Variants in C10orf67 observed in about 807,000 individuals in gnomAD.
The protein encoded by C10orf67 is uncharacterized protein C10orf67, mitochondrial.
A neutral mutation model predicts 35.6 loss-of-function variants in C10orf67; 60 were observed. The observed-to-expected ratio is 1.68, with a 90% CI of 1.37 to 2.09. The LOEUF (loss-of-function observed/expected upper bound fraction) is 2.09, where lower values mean the gene tolerates loss of function less well. Ranked by LOEUF, C10orf67 falls within the 30% of genes most tolerant of loss-of-function variation. The probability of loss-of-function intolerance (pLI) is 0.00; values close to 1 mark genes in which losing one functional copy is unlikely to be tolerated. For synonymous variants in C10orf67, 167 were observed against 115.8 expected, an observed-to-expected ratio of 1.44 and a Z score of -2.84; for missense variants, 474 against 330.2, an observed-to-expected ratio of 1.44 and a Z score of -3.38.
intron 2 of C10orf67, among the ~76,000 whole-genome samples, chr10:23,322,820 C>G (rs1428441652): frequency 6.6e-6 from 1 of 151,934 alleles, no homozygotes. Flanking sequence ...ATATGTACCC[C>G]TGAACCTAAA....
intron 2 of C10orf67, among the ~76,000 whole-genome samples, chr10:23,326,415 A>G (rs560531397): frequency 5.9e-5 from 9 of 152,328 alleles, no homozygotes; most frequent in Admixed American, 5.9e-4. Flanking sequence ...CAACTTGTCA[A>G]CCCGGAATTC....
intron 12 of C10orf67, among the ~76,000 whole-genome samples, chr10:23,245,432 T>C (rs1575777): frequency 0.033 from 5,050 of 152,226 alleles, 258 homozygotes; most frequent in African/African-American, 0.11. Flanking sequence ...ACTTAAGGAA[T>C]GGAAGAAAAC....
At chr10:23,294,059 T>A (rs1266395617) in intron 5 of C10orf67, among the ~76,000 whole-genome samples, 2 of 152,320 alleles carry the variant, frequency 1.3e-5, no homozygotes, top group South Asian at 4.1e-4. Context: ...CTCCATTGAA[T>A]TGGACATCTC....
Position 23,237,904 on chromosome 10 carries a change from G to A in C10orf67, c.1434+1825C>T, listed in dbSNP as rs1312885573. Among the ~76,000 whole-genome samples, 6 of 152,182 alleles carry A rather than the reference G, an allele frequency of 3.9e-5. 1 individual carries two copies. Among genetic ancestry groups the A allele is most frequent in the Non-Finnish European group, 8.8e-5 (6 of 68,032 alleles). ...TCTTCAAATGGCACACTTACTACTTGTGCATTTAACCATATGTAAAATATA... is the reference window on the plus strand; with the variant it reads ...TCTTCAAATGGCACACTTACTACTTATGCATTTAACCATATGTAAAATATA... On this transcript the variant is annotated intron_variant, in intron 13 of 15. Coordinates refer to ENST00000636213, the MANE Select transcript of C10orf67 (RefSeq NM_001371909.1).
At chr10:23,275,279 G>A (rs1488112247) in intron 8 of C10orf67, among the ~76,000 whole-genome samples, 1 of 152,128 alleles carries the variant, frequency 6.6e-6, no homozygotes, top group African/African-American at 2.4e-5. Context: ...GAGCACAGGA[G>A]TTCGAGATCA....
chr10:23,283,178 A>G (rs575645002), intron 7 of C10orf67, among the ~76,000 whole-genome samples: 1 of 152,308 alleles, frequency 6.6e-6, no homozygotes, highest in East Asian at 1.9e-4. Flanking sequence ...TATACTCTGT[A>G]AATATATACA....
At chr10:23,258,125 T>C (rs1051365998) in intron 10 of C10orf67, 1 of 152,494 alleles carries the variant, frequency 6.6e-6, no homozygotes, top group African/African-American at 2.4e-5. Flanking sequence ...ATGTGGCCTC[T>C]GGCATCCCCA....
chr10:23,207,654 T>C (rs1447714052), intron 15 of C10orf67, among the ~76,000 whole-genome samples: 2 of 152,236 alleles, frequency 1.3e-5, no homozygotes, highest in Non-Finnish European at 2.9e-5. Flanking sequence ...TCGGTCACAG[T>C]TGACCACAGC....
At chr10:23,234,096 A>G (rs552500802) in intron 13 of C10orf67, among the ~76,000 whole-genome samples, 1 of 152,368 alleles carries the variant, frequency 6.6e-6, no homozygotes, top group East Asian at 1.9e-4. Flanking sequence ...TAGTTCCACC[A>G]CAGTGAAAAA....
chr10:23,248,569 A>G (rs765862662), intron 12 of C10orf67, among the ~76,000 whole-genome samples: 1 of 152,184 alleles, frequency 6.6e-6, no homozygotes, highest in Non-Finnish European at 1.5e-5. Context: ...GAGGTTTTTC[A>G]TCTACTAAAC....
intron 15 of C10orf67, among the ~76,000 whole-genome samples, chr10:23,206,609 G>A (rs138895524): frequency 1.3e-5 from 2 of 152,310 alleles, no homozygotes; most frequent in East Asian, 1.9e-4. Flanking sequence ...AAGTTACCAT[G>A]AATAAAGATT....
intron 12 of C10orf67, among the ~76,000 whole-genome samples, chr10:23,241,962 C>CA (rs1842191936): frequency 9.0e-6 from 1 of 111,020 alleles, no homozygotes; most frequent in African/African-American, 4.1e-5. Flanking sequence ...AAAGAACTGA[C>CA]ATTTTTTTTT....
rs143830664 is a variant in C10orf67 at position 23,285,562 on chromosome 10, T to C, written c.910-3484A>G. On this transcript the variant is annotated intron_variant, in intron 7 of 15. Coordinates refer to ENST00000636213, the MANE Select transcript of C10orf67 (RefSeq NM_001371909.1). ...ATATTATTTCAATGTGTAATCAATA[T>C]AAAAAATTATTAGTGAGACATTTCA... is the stretch of plus-strand genomic sequence containing the variant. 2.7e-3 allele frequency among the ~76,000 whole-genome samples: 408 copies of C among 152,004 alleles called. 3 individuals are homozygous for C. The highest frequency in any genetic ancestry group is 9.5e-3 in the African/African-American group (394 of 41,550).
intron 4 of C10orf67, among the ~76,000 whole-genome samples, chr10:23,319,229 T>TC (rs1476313324): frequency 6.6e-6 from 1 of 152,182 alleles, no homozygotes; most frequent in Admixed American, 6.5e-5. Context: ...AATGTTTAGC[T>TC]CCCACTCATA....
At chr10:23,274,006 G>A (rs1172688214) in intron 8 of C10orf67, among the ~76,000 whole-genome samples, 3 of 152,092 alleles carry the variant, frequency 2.0e-5, no homozygotes, top group Admixed American at 2.0e-4. Flanking sequence ...AAATTTTATA[G>A]CTGGGCCTCC....
At chr10:23,221,812 A>C (rs1025409090) in intron 15 of C10orf67, among the ~76,000 whole-genome samples, 1 of 152,190 alleles carries the variant, frequency 6.6e-6, no homozygotes, top group Non-Finnish European at 1.5e-5. Flanking sequence ...AAAAATAGGA[A>C]ATTTATTTCT....
At chr10:23,305,563 C>T (rs1844242248) in intron 4 of C10orf67, among the ~76,000 whole-genome samples, 1 of 152,164 alleles carries the variant, frequency 6.6e-6, no homozygotes, top group Non-Finnish European at 1.5e-5. Flanking sequence ...CCAACAGTTA[C>T]ATGAAACATC....
chr10:23,305,907 A>G (rs570657108), intron 4 of C10orf67, among the ~76,000 whole-genome samples: 1 of 152,166 alleles, frequency 6.6e-6, no homozygotes, highest in Non-Finnish European at 1.5e-5. Context: ...CACAATAGCC[A>G]AGATATAGAA....
chr10:23,341,170 G>A (rs566997311), intron 1 of C10orf67, among the ~76,000 whole-genome samples: 1 of 152,292 alleles, frequency 6.6e-6, no homozygotes, highest in South Asian at 2.1e-4. Flanking sequence ...CTCAGCTTAA[G>A]ACACCATCTT....
Sources: gnomAD v4.1 joint callset for allele counts (sites outside exome capture counted in the v4.1 genomes callset) on GRCh38, gnomAD v4.1.1 for gene constraint, MANE v1.5 for transcripts, NCBI Gene and HGNC (gene_info 2026-07-23, HGNC 2026-07-21) for gene names.